Variants in WDPCP observed in about 807,000 individuals in gnomAD.
WDPCP encodes WD repeat-containing and planar cell polarity effector protein fritz homolog.
WDPCP carries 71 observed loss-of-function variants against 93.1 expected under a neutral mutation model. That is an observed-to-expected ratio of 0.76 (90% confidence interval 0.63 to 0.93). The LOEUF (loss-of-function observed/expected upper bound fraction) is 0.93, where lower values mean the gene tolerates loss of function less well. Ranked by LOEUF, WDPCP falls within the 40% of genes least tolerant of loss-of-function variation. The probability of loss-of-function intolerance (pLI) is 0.00; values close to 1 mark genes in which losing one functional copy is unlikely to be tolerated. For missense variants in WDPCP, 844 were observed against 887.4 expected (o/e 0.95, Z 0.62); for synonymous variants, 315 against 315.0 (o/e 1.00, Z 0.00).
chr2:63,819,896 G>A (rs183072150), intron 1 of WDPCP, among the ~76,000 whole-genome samples: 25 of 152,140 alleles, frequency 1.6e-4, no homozygotes, highest in African/African-American at 5.5e-4. Context: ...TTCATATGTC[G>A]CTCATTTACC....
At chr2:63,534,372 C>T (rs1162231697) in intron 1 of WDPCP, among the ~76,000 whole-genome samples, 2 of 152,146 alleles carry the variant, frequency 1.3e-5, no homozygotes, top group Non-Finnish European at 2.9e-5. Context: ...AGGCCAGCAT[C>T]AACCTGATAC....
chr2:63,343,536 A>T lies in WDPCP; in HGVS notation c.1749-30225T>A, dbSNP rs762725394. 4.7e-4 allele frequency among the ~76,000 whole-genome samples: 72 copies of T among 152,214 alleles called. No homozygotes were observed. The Middle Eastern group carries it at 0.01, about 22-fold the overall frequency. On this transcript the variant is annotated intron_variant, in intron 12 of 17. Coordinates refer to ENST00000272321, the MANE Select transcript of WDPCP (RefSeq NM_015910.7). ...TGTTTTGGTATTGATCTTTGAGTTG[A>T]TTCTGCTTGAATTTTGTTGAGCTTC...
chr2:63,205,062 G>A (rs1676227397), intron 14 of WDPCP, among the ~76,000 whole-genome samples: 1 of 152,088 alleles, frequency 6.6e-6, no homozygotes, highest in Non-Finnish European at 1.5e-5. Context: ...TCTACATATG[G>A]ATATCCAGTT....
chr2:63,344,509 A>G lies in WDPCP; in HGVS notation c.1749-31198T>C, dbSNP rs554673495. 2.6e-5 allele frequency among the ~76,000 whole-genome samples: 4 copies of G among 152,316 alleles called. No homozygotes were observed. The East Asian group carries it at 7.7e-4, about 29-fold the overall frequency. ...TCTGAGCCTGTGTCCAGCTCTGGGC[A>G]TGGTGTTGTACACAATTCACTAACA... is the stretch of plus-strand genomic sequence containing the variant. On this transcript the variant is annotated intron_variant, in intron 12 of 17. Coordinates refer to ENST00000272321, the MANE Select transcript of WDPCP (RefSeq NM_015910.7).
intron 2 of WDPCP, chr2:63,752,251 T>C (rs1669894996): frequency 5.1e-6 from 4 of 781,464 alleles, no homozygotes; most frequent in Non-Finnish European, 6.8e-6. Flanking sequence ...CTTCAATTTT[T>C]CCATACTGTT....
chr2:63,318,295 AG>A (rs996525422), intron 12 of WDPCP, among the ~76,000 whole-genome samples: 3 of 152,184 alleles, frequency 2.0e-5, no homozygotes, highest in Non-Finnish European at 4.4e-5. Flanking sequence ...CAGAGAAAAA[AG>A]AACACTTATA....
chr2:63,416,200 CTTTT>C (rs70965129), intron 9 of WDPCP, among the ~76,000 whole-genome samples: 4 of 147,736 alleles, frequency 2.7e-5, no homozygotes, highest in Non-Finnish European at 6.0e-5. Context: ...CTTTTTTTTC[CTTTT>C]TTTTTTTTCT....
chr2:63,787,141 A>T (rs952452667), intron 2 of WDPCP, among the ~76,000 whole-genome samples: 3 of 152,230 alleles, frequency 2.0e-5, no homozygotes, highest in African/African-American at 7.2e-5. Flanking sequence ...AGAATAGCTA[A>T]ATTTTAAATG....
intron 2 of WDPCP, among the ~76,000 whole-genome samples, chr2:63,489,830 T>C (rs112790665): frequency 2.6e-5 from 4 of 152,166 alleles, no homozygotes; most frequent in African/African-American, 9.6e-5. Flanking sequence ...ACAGGATATT[T>C]ACATAATTTC....
intron 11 of WDPCP, among the ~76,000 whole-genome samples, chr2:63,381,547 C>T (rs1214143409): frequency 6.6e-6 from 1 of 152,100 alleles, no homozygotes; most frequent in African/African-American, 2.4e-5. Context: ...GGAATAAAGA[C>T]TTTTGTTTGG....
chr2:63,136,585 G>A (rs750832877), intron 17 of WDPCP, among the ~76,000 whole-genome samples: 10 of 152,080 alleles, frequency 6.6e-5, no homozygotes, highest in African/African-American at 9.7e-5. Context: ...GTGTAGGTTT[G>A]TAACATAGGT....
At chr2:63,440,290 G>A in intron 6 of WDPCP, 1 of 158,780 alleles carries the variant, frequency 6.3e-6, no homozygotes, top group South Asian at 1.9e-4. Flanking sequence ...AAATATAGAA[G>A]AGATGCCACT....
chr2:63,553,261 TACA>T (rs1160152837), intron 1 of WDPCP, among the ~76,000 whole-genome samples: 1 of 152,242 alleles, frequency 6.6e-6, no homozygotes, highest in Non-Finnish European at 1.5e-5. Context: ...TGAAATATGA[TACA>T]ACATTTTCTT....
chr2:63,679,922 A>G (rs1710471423), intron 2 of WDPCP, among the ~76,000 whole-genome samples: 1 of 152,218 alleles, frequency 6.6e-6, no homozygotes, highest in Non-Finnish European at 1.5e-5. Context: ...AGAAAGGCCT[A>G]AAGCCCCCAC....
intron 6 of WDPCP, chr2:63,440,530 A>C (rs192321669): frequency 6.6e-6 from 1 of 152,430 alleles, no homozygotes; most frequent in Admixed American, 6.5e-5. Context: ...CAGTGTTCAC[A>C]AAACCACTCA....
At chr2:63,363,660 T>C (rs1295713482) in intron 12 of WDPCP, among the ~76,000 whole-genome samples, 1 of 152,188 alleles carries the variant, frequency 6.6e-6, no homozygotes, top group Non-Finnish European at 1.5e-5. Context: ...ATAGGAATTA[T>C]TAACCTTCAA....
intron 2 of WDPCP, among the ~76,000 whole-genome samples, chr2:63,705,992 G>A (rs1262291879): frequency 1.3e-5 from 2 of 152,138 alleles, no homozygotes; most frequent in Non-Finnish European, 2.9e-5. Flanking sequence ...TGTATTGGGT[G>A]CATATATATT....
At chr2:63,219,188 G>A (rs1677608292) in intron 14 of WDPCP, among the ~76,000 whole-genome samples, 1 of 152,144 alleles carries the variant, frequency 6.6e-6, no homozygotes, top group Non-Finnish European at 1.5e-5. Context: ...TCACCTCTGG[G>A]CATTAAGACA....
chr2:63,273,695 T>C (rs886212085), intron 13 of WDPCP, among the ~76,000 whole-genome samples: 5 of 151,868 alleles, frequency 3.3e-5, no homozygotes, highest in South Asian at 2.1e-4. Flanking sequence ...TCAGGTAAAA[T>C]AGAATTTAAA....
Sources: allele counts gnomAD v4.1 joint callset (sites outside exome capture counted in the v4.1 genomes callset), GRCh38; gene constraint gnomAD v4.1.1; transcripts MANE v1.5; gene names NCBI Gene and HGNC (gene_info 2026-07-23, HGNC 2026-07-21).